The following TMEM63B variants were observed in gnomAD, a reference collection of about 807,000 sequenced individuals.
TMEM63B encodes transmembrane protein 63B, also known as mechanosensitive cation channel TMEM63B.
In TMEM63B, 23 loss-of-function variants were observed where a neutral mutation model predicts 102.6. That is an observed-to-expected ratio of 0.22 (90% CI 0.16 to 0.32). The LOEUF is 0.32. Ranked by LOEUF, TMEM63B falls within the 10% of genes least tolerant of loss-of-function variation. The probability of loss-of-function intolerance (pLI) is 1.00; values close to 1 mark genes in which losing one functional copy is unlikely to be tolerated. For synonymous variants in TMEM63B, 444 were observed against 437.0 expected (o/e 1.02, Z -0.20); for missense variants, 628 against 1,095.9 (o/e 0.57, Z 6.03).
chr6:44,136,134 G>T (rs1363078483), intron 4 of TMEM63B, among the ~76,000 whole-genome samples: 1 of 152,192 alleles, frequency 6.6e-6, no homozygotes. Flanking sequence ...CCCACCATCA[G>T]TGCCCACCTC....
At chr6:44,153,870 G>T in intron 21 of TMEM63B, 27 bp downstream of exon 21, 2 of 1,604,836 alleles carry the variant, frequency 1.2e-6, no homozygotes, top group Non-Finnish European at 1.7e-6. Context: ...CAGGGAACGG[G>T]GGGTGGCGAG....
chr6:44,139,633 G>A, intron 7 of TMEM63B, 24 bp downstream of exon 7: 3 of 1,614,204 alleles, frequency 1.9e-6, no homozygotes, highest in African/African-American at 1.3e-5. Flanking sequence ...AGGACGGCTA[G>A]GGTGGAGAGA....
chr6:44,147,833 G>A (rs1765738922), intron 12 of TMEM63B, among the ~76,000 whole-genome samples: 1 of 152,138 alleles, frequency 6.6e-6, no homozygotes, highest in South Asian at 2.1e-4. Flanking sequence ...ATATAAAGAA[G>A]CTTAGAGGTG....
At chr6:44,149,754 TGA>T in intron 15 of TMEM63B, 103 bp from the exon 16 acceptor site, 1 of 854,660 alleles carries the variant, frequency 1.2e-6, no homozygotes, top group South Asian at 1.6e-5. Flanking sequence ...ATGGGAGCCC[TGA>T]GAGTTGTGAG....
intron 1 of TMEM63B, among the ~76,000 whole-genome samples, chr6:44,129,686 T>C (rs1314259230): frequency 6.6e-6 from 1 of 152,222 alleles, no homozygotes; most frequent in Admixed American, 6.5e-5. Flanking sequence ...AGGGGCTCTG[T>C]TATATTTCTA....
At chr6:44,145,795 C>CA (rs1484029508) in intron 10 of TMEM63B, among the ~76,000 whole-genome samples, 3 of 143,800 alleles carry the variant, frequency 2.1e-5, no homozygotes, top group South Asian at 2.1e-4. Flanking sequence ...AACAAACAAA[C>CA]AAAAAAATGA....
At chr6:44,133,502 A>AC (rs1236078551) in intron 1 of TMEM63B, among the ~76,000 whole-genome samples, 5 of 151,568 alleles carry the variant, frequency 3.3e-5, no homozygotes, top group East Asian at 1.9e-4. Flanking sequence ...TCCCCCAGGG[A>AC]CCCCCCAGTA....
intron 10 of TMEM63B, 124 bp downstream of exon 10, chr6:44,141,222 C>A: frequency 1.0e-6 from 1 of 976,020 alleles, no homozygotes; most frequent in South Asian, 1.8e-5. Flanking sequence ...GAGATTAGAT[C>A]CAGGAAGAAA....
intron 18 of TMEM63B, among the ~76,000 whole-genome samples, chr6:44,151,183 T>C (rs1007468827): frequency 1.3e-5 from 2 of 152,030 alleles, no homozygotes; most frequent in Admixed American, 1.3e-4. Context: ...CAGTACAAGT[T>C]CTGGGAACAT....
Position 44,146,874 on chromosome 6 carries a change from C to T in TMEM63B, c.810C>T (p.Leu270=), listed in dbSNP as rs142029936. Residue 270 remains leucine, a synonymous_variant, in exon 11 of 24, where the codon CTC becomes CTT. Transcript: ENST00000323267. ...FEEAYPNCTV[L]EARPCYNVAR... is the part of the protein sequence containing the mutation. ...AAGCCTACCCCAACTGCACAGTTCT[C>T]GAAGCCCGCCCGTGTTACAACGTGG... 2.1e-4 allele frequency: 339 copies of T among 1,614,028 alleles called. 5 individuals carry two copies. In the East Asian group the frequency reaches 4.4e-3, roughly 21 times the overall value.
In TMEM63B at chr6:44,148,256, A is replaced by G; in HGVS notation, c.992A>G (p.Glu331Gly). Residue 331 changes from glutamate to glycine, a missense_variant, in exon 13 of 24, where the codon GAG becomes GGG. This residue lies in a region of TMEM63B where 336 missense variants were observed against 580.3 expected (regional missense o/e 0.58). Coordinates refer to ENST00000323267, the MANE Select transcript of TMEM63B (RefSeq NM_018426.3). This position sits in a 1 kb window ranked among gnomAD's most constrained non-coding sequence, Gnocchi z 5.1. ...GTCCCTAACCCTCCCACAAAGGTGG[A>G]GGCCATTGAGTACTACACAAAGCTG... Reference protein sequence around the residue: ...CCVVRGCEQVEAIEYYTKLEQ... With the variant: ...CCVVRGCEQVGAIEYYTKLEQ... 1 of 1,614,200 alleles carries G rather than the reference A, an allele frequency of 6.2e-7. No individual in the cohort carries two copies. The highest frequency in any genetic ancestry group is 1.1e-5 in the South Asian group (1 of 91,092).
At chr6:44,151,741 G>A in intron 18 of TMEM63B, 105 bp from the exon 19 acceptor site, 1 of 1,347,102 alleles carries the variant, frequency 7.4e-7, no homozygotes, top group South Asian at 1.4e-5. Context: ...CCACATGGAA[G>A]AAGCATGTTG....
intron 1 of TMEM63B, among the ~76,000 whole-genome samples, chr6:44,131,989 C>G (rs1444661442): frequency 6.6e-6 from 1 of 152,184 alleles, no homozygotes; most frequent in Non-Finnish European, 1.5e-5. Context: ...AGTTGCTCAG[C>G]CCAGTGCTGG....
At chr6:44,138,549 G>A in intron 6 of TMEM63B, 32 bp downstream of exon 6, 1 of 1,613,674 alleles carries the variant, frequency 6.2e-7, no homozygotes. Flanking sequence ...TCTAAAGAAA[G>A]AGAGAAACTT....
chr6:44,143,138 G>A (rs2128243141), intron 10 of TMEM63B, among the ~76,000 whole-genome samples: 1 of 152,354 alleles, frequency 6.6e-6, no homozygotes, highest in South Asian at 2.1e-4. Flanking sequence ...TGTTTGGGCA[G>A]GATTGAGAGT....
In TMEM63B at chr6:44,154,967, A is replaced by C; in HGVS notation, c.*84A>C. 1 of 1,280,696 alleles carries C rather than the reference A, an allele frequency of 7.8e-7. No homozygotes were observed. Among genetic ancestry groups the C allele is most frequent in the East Asian group, 2.7e-5 (1 of 36,640 alleles). 79.3% of individuals were successfully genotyped at this position (1,280,696 alleles called of 1,614,324 possible). On this transcript the variant is annotated 3_prime_UTR_variant, in exon 24 of 24. Coordinates refer to ENST00000323267, the MANE Select transcript of TMEM63B (RefSeq NM_018426.3). ...CACTAAAACGCTAATAATTTATTAGATCTAAAGCCCCTTCCTCCCCAGCCC... is the reference window on the plus strand; with the variant it reads ...CACTAAAACGCTAATAATTTATTAGCTCTAAAGCCCCTTCCTCCCCAGCCC...
At chr6:44,140,950 A>T in intron 9 of TMEM63B, 78 bp from the exon 10 acceptor site, 1 of 1,287,278 alleles carries the variant, frequency 7.8e-7, no homozygotes, top group Non-Finnish European at 1.1e-6. Flanking sequence ...CTCTTTCTCT[A>T]GTGCCCCCCA....
chr6:44,144,301 T>C (rs1348850148), intron 10 of TMEM63B, among the ~76,000 whole-genome samples: 1 of 152,166 alleles, frequency 6.6e-6, no homozygotes, highest in Non-Finnish European at 1.5e-5. Context: ...GAAGACTGTC[T>C]CAGCACAATT....
At chr6:44,140,914 A>T in intron 9 of TMEM63B, 114 bp from the exon 10 acceptor site, 1 of 871,498 alleles carries the variant, frequency 1.1e-6, no homozygotes, top group Non-Finnish European at 1.9e-6. Context: ...CTGCTCACCT[A>T]CTTCTCTACC....
Sources: gnomAD v4.1 joint callset for allele counts (sites outside exome capture counted in the v4.1 genomes callset) on GRCh38, gnomAD v4.1.1 for gene constraint, gnomAD v4.1.1 regional missense constraint, Gnocchi (gnomAD v3.1) non-coding constraint, MANE v1.5 for transcripts, NCBI Gene and HGNC (gene_info 2026-07-23, HGNC 2026-07-21) for gene names.